Variants in STK4 observed in about 807,000 individuals in gnomAD.
STK4 encodes serine/threonine-protein kinase 4.
In STK4, 30 loss-of-function variants were observed where a neutral mutation model predicts 64.9. The observed-to-expected ratio is 0.46, with a 90% CI of 0.35 to 0.63. The LOEUF (loss-of-function observed/expected upper bound fraction) is 0.63, where lower values mean the gene tolerates loss of function less well. Ranked by LOEUF, STK4 falls within the 20% of genes least tolerant of loss-of-function variation. The probability of loss-of-function intolerance (pLI) is 0.01; values close to 1 mark genes in which losing one functional copy is unlikely to be tolerated. For synonymous variants in STK4, 177 were observed against 199.0 expected (o/e 0.89, Z 0.93); for missense variants, 466 against 598.5 (o/e 0.78, Z 2.31).
rs367794687 is a variant in STK4, at chr20:44,997,324, A to G, written c.831+18A>G. On this transcript the variant is annotated intron_variant, in intron 7 of 10. Coordinates refer to ENST00000372806, the MANE Select transcript of STK4 (RefSeq NM_006282.5). The stretch of plus-strand genomic sequence containing the variant: ...TCCTGCAGGTATGAATCACCCTGTG[A>G]TGCCATCTCGCTCCATTTCATTTAC... 10 of 1,572,630 alleles carry G rather than the reference A, an allele frequency of 6.4e-6. No individual in the cohort carries two copies. The African/African-American group carries it at 1.2e-4, about 19-fold the overall frequency.
chr20:45,016,398 C>T (rs115210950), intron 9 of STK4, among the ~76,000 whole-genome samples: 8 of 152,222 alleles, frequency 5.3e-5, no homozygotes, highest in African/African-American at 1.4e-4. Flanking sequence ...GTAGCTCCCT[C>T]GTGGGTGAGA....
intron 3 of STK4, among the ~76,000 whole-genome samples, chr20:44,981,020 T>C (rs952210616): frequency 1.3e-5 from 2 of 152,156 alleles, no homozygotes; most frequent in Non-Finnish European, 2.9e-5. Context: ...CAAATCACTT[T>C]GGAGTTTTAC....
At chr20:45,035,331 A>G (rs2068511120) in intron 10 of STK4, among the ~76,000 whole-genome samples, 1 of 152,176 alleles carries the variant, frequency 6.6e-6, no homozygotes, top group Non-Finnish European at 1.5e-5. Context: ...AGCAAGATAC[A>G]TTTTTAAACT....
chr20:44,978,114 C>A (rs2067371001), intron 2 of STK4, among the ~76,000 whole-genome samples: 1 of 152,190 alleles, frequency 6.6e-6, no homozygotes, highest in Non-Finnish European at 1.5e-5. Flanking sequence ...GGATAGTCAT[C>A]TCATCTTCAT....
chr20:45,050,569 T>C (rs1344503129), intron 10 of STK4, among the ~76,000 whole-genome samples: 1 of 152,192 alleles, frequency 6.6e-6, no homozygotes, highest in African/African-American at 2.4e-5. Flanking sequence ...TTTTGGTATG[T>C]GAATTGTTGC....
chr20:45,028,447 C>T (rs2068391230), intron 10 of STK4, among the ~76,000 whole-genome samples: 2 of 151,970 alleles, frequency 1.3e-5, no homozygotes, highest in Admixed American at 6.6e-5. Context: ...CCACCTCAGC[C>T]TTCTGAGTAC....
At chr20:45,058,186 G>A (rs1356900079) in intron 10 of STK4, among the ~76,000 whole-genome samples, 3 of 151,764 alleles carry the variant, frequency 2.0e-5, no homozygotes, top group Admixed American at 6.6e-5. Context: ...GACATGCTTT[G>A]TGGAATTCTT....
In STK4 at chr20:45,075,685, G is replaced by GT. The variant is rs796447067; in HGVS notation, c.*511dup. The GT allele has an allele frequency of 2.0e-5, 3 of 152,994 alleles. No homozygotes were observed. Among genetic ancestry groups the GT allele is most frequent in the African/African-American group, 7.2e-5 (3 of 41,570 alleles). 9.5% of individuals were successfully genotyped at this position (152,994 alleles called of 1,614,324 possible). A position where few individuals can be genotyped will look rare whatever the true frequency, so the allele number is the denominator to read the frequency against. On this transcript the variant is annotated 3_prime_UTR_variant, in exon 11 of 11. Transcript: ENST00000372806. ...TGAGGGCAGAGGACACCGGGAGGCT[G>GT]TTAGGGGGTCACTGAATCCCAGGAG... is the stretch of plus-strand genomic sequence containing the variant.
intron 10 of STK4, among the ~76,000 whole-genome samples, chr20:45,066,410 A>G (rs1260326897): frequency 6.6e-6 from 1 of 152,188 alleles, no homozygotes; most frequent in Non-Finnish European, 1.5e-5. Context: ...CATATTCTTT[A>G]TACATACACG....
intron 10 of STK4, among the ~76,000 whole-genome samples, chr20:45,047,214 C>T (rs2068710239): frequency 6.6e-6 from 1 of 152,174 alleles, no homozygotes; most frequent in Non-Finnish European, 1.5e-5. Flanking sequence ...AATATCCTCA[C>T]ATGGTAGATC....
chr20:45,066,463 T>A (rs1979585746), intron 10 of STK4, among the ~76,000 whole-genome samples: 1 of 152,260 alleles, frequency 6.6e-6, no homozygotes, highest in Admixed American at 6.5e-5. Context: ...CTAGGCTCTG[T>A]GGACAAAGTC....
At chr20:45,007,108 G>A (rs372165841) in intron 9 of STK4, among the ~76,000 whole-genome samples, 1 of 152,098 alleles carries the variant, frequency 6.6e-6, no homozygotes, top group Admixed American at 6.5e-5. Context: ...AGGAGGGGAG[G>A]CCTTAGCACT....
chr20:44,999,731 A>G (rs1457979586), intron 7 of STK4, among the ~76,000 whole-genome samples: 3 of 152,196 alleles, frequency 2.0e-5, no homozygotes, highest in African/African-American at 7.2e-5. Flanking sequence ...CAGTTTTAGT[A>G]TGTCTGCAGC....
intron 10 of STK4, among the ~76,000 whole-genome samples, chr20:45,057,730 C>G (rs1978611526): frequency 6.6e-6 from 1 of 152,154 alleles, no homozygotes; most frequent in South Asian, 2.1e-4. Context: ...GTTTTTAACT[C>G]TGAGCCTAGA....
At chr20:45,045,789 A>C (rs2068684209) in intron 10 of STK4, among the ~76,000 whole-genome samples, 3 of 113,774 alleles carry the variant, frequency 2.6e-5, no homozygotes, top group African/African-American at 1.2e-4. Flanking sequence ...ATTGTCAGAA[A>C]GTGTCTTTTT....
intron 4 of STK4, among the ~76,000 whole-genome samples, chr20:44,985,661 A>C (rs1411659876): frequency 6.6e-6 from 1 of 152,228 alleles, no homozygotes; most frequent in Admixed American, 6.5e-5. Flanking sequence ...TATTATTAGC[A>C]TAGTACCTGG....
At chr20:45,011,461 C>T (rs1384829388) in intron 9 of STK4, among the ~76,000 whole-genome samples, 1 of 151,888 alleles carries the variant, frequency 6.6e-6, no homozygotes, top group Non-Finnish European at 1.5e-5. Flanking sequence ...TTGGATACCT[C>T]ATACTTGGCA....
At chr20:44,996,032 A>C (rs191398199) in intron 6 of STK4, among the ~76,000 whole-genome samples, 1 of 152,152 alleles carries the variant, frequency 6.6e-6, no homozygotes, top group African/African-American at 2.4e-5. Context: ...TTTTCTTATA[A>C]TAGTGTTAAG....
Position 44,972,089 on chromosome 20 carries a change from A to G in STK4, c.47A>G (p.Lys16Arg), listed in dbSNP as rs142594802. 139 of 1,613,794 alleles carry G rather than the reference A, an allele frequency of 8.6e-5. No homozygotes were observed. In the African/African-American group the frequency reaches 1.5e-3, roughly 17 times the overall value. Residue 16 changes from lysine to arginine, a missense_variant, in exon 2 of 11, where the codon AAG becomes AGG. Around this residue, in one of 2 missense-constraint regions of STK4, gnomAD observed 190 missense variants for 289.7 expected, o/e 0.66. Coordinates refer to ENST00000372806, the MANE Select transcript of STK4 (RefSeq NM_006282.5). ...TTCTTTATTCACAGGCAGCTGAAAAAGTTGGATGAAGATAGTTTAACCAAA... is the reference window on the plus strand; with the variant it reads ...TTCTTTATTCACAGGCAGCTGAAAAGGTTGGATGAAGATAGTTTAACCAAA... ...LRNPPRRQLKKLDEDSLTKQP... is the reference protein window; with the variant it reads ...LRNPPRRQLKRLDEDSLTKQP...
Sources: allele counts gnomAD v4.1 joint callset (sites outside exome capture counted in the v4.1 genomes callset), GRCh38; gene constraint gnomAD v4.1.1; regional missense constraint gnomAD v4.1.1; transcripts MANE v1.5; gene names NCBI Gene and HGNC (gene_info 2026-07-23, HGNC 2026-07-21).